SYNDIG1: variants seen among roughly 807,000 people sequenced by gnomAD.
SYNDIG1 encodes the protein synapse differentiation inducing 1.
In SYNDIG1, 9 loss-of-function variants were observed where a neutral mutation model predicts 19.4. The observed-to-expected ratio is 0.46, with a 90% CI of 0.28 to 0.81. The LOEUF is 0.81. SYNDIG1 is among the 30% of genes least tolerant of loss of function. The pLI is 0.12. For synonymous variants in SYNDIG1, 141 were observed against 145.9 expected, an observed-to-expected ratio of 0.97 and a Z score of 0.24; for missense variants, 311 against 343.3, an observed-to-expected ratio of 0.91 and a Z score of 0.74.
intron 3 of SYNDIG1, among the ~76,000 whole-genome samples, chr20:24,598,792 A>G (rs906585438): frequency 6.6e-6 from 1 of 152,240 alleles, no homozygotes; most frequent in Non-Finnish European, 1.5e-5. Flanking sequence ...TGATTTTAAA[A>G]TTGACACTAT....
In SYNDIG1 at chr20:24,665,704, G is replaced by A; in HGVS notation, c.*200G>A. ...CACTGTGTAGAGCACCAGACAGACG[G>A]GCACTGCTAATCCTTCCAAAGGAAA... On this transcript the variant is annotated 3_prime_UTR_variant, in exon 4 of 4. Transcript: ENST00000376862. The A allele has an allele frequency of 1.6e-6, 1 of 638,786 alleles. No individual in the cohort carries two copies. The highest frequency in any genetic ancestry group is 2.5e-6 in the Non-Finnish European group (1 of 406,638). The allele number at this position is 638,786 out of a possible 1,614,324, so 39.6% of individuals were successfully genotyped here. A position where few individuals can be genotyped will look rare whatever the true frequency, so the allele number is the denominator to read the frequency against.
intron 3 of SYNDIG1, among the ~76,000 whole-genome samples, chr20:24,590,296 G>A (rs1183483498): frequency 6.6e-6 from 1 of 151,950 alleles, no homozygotes; most frequent in East Asian, 1.9e-4. Flanking sequence ...GCTGGGGGCC[G>A]CGGGTGTGGA....
At chr20:24,507,102 C>CA (rs1234144171) in intron 1 of SYNDIG1, among the ~76,000 whole-genome samples, 3 of 152,126 alleles carry the variant, frequency 2.0e-5, no homozygotes, top group Non-Finnish European at 4.4e-5. Flanking sequence ...GGCTGGCCAA[C>CA]ACACACTTCG....
At chr20:24,479,290 C>A (rs1410809085) in intron 1 of SYNDIG1, among the ~76,000 whole-genome samples, 2 of 152,098 alleles carry the variant, frequency 1.3e-5, no homozygotes, top group Non-Finnish European at 2.9e-5. Flanking sequence ...TCTCCCCGAG[C>A]CCTCACCCTC....
intron 3 of SYNDIG1, among the ~76,000 whole-genome samples, chr20:24,642,004 T>C (rs906879797): frequency 3.3e-5 from 5 of 152,366 alleles, no homozygotes; most frequent in African/African-American, 4.8e-5. Context: ...CCATGGACTA[T>C]GTAGGCTCTA....
intron 1 of SYNDIG1, among the ~76,000 whole-genome samples, chr20:24,535,453 C>T (rs892077848): frequency 7.9e-5 from 12 of 152,118 alleles, no homozygotes; most frequent in African/African-American, 2.4e-4. Flanking sequence ...CCAAGATAGA[C>T]GGGCTTTTAA....
chr20:24,653,651 C>A (rs2059495644), intron 3 of SYNDIG1, among the ~76,000 whole-genome samples: 1 of 152,220 alleles, frequency 6.6e-6, no homozygotes, highest in South Asian at 2.1e-4. Flanking sequence ...GGGGATTTAT[C>A]CCTGGAGAAA....
intron 1 of SYNDIG1, among the ~76,000 whole-genome samples, chr20:24,473,638 T>C (rs1298510651): frequency 6.6e-6 from 1 of 152,098 alleles, no homozygotes; most frequent in Non-Finnish European, 1.5e-5. Context: ...GAGACAGGCG[T>C]GCAGAGTGTC....
intron 1 of SYNDIG1, among the ~76,000 whole-genome samples, chr20:24,530,023 T>TAGTACTCC (rs1568614888): frequency 6.6e-6 from 1 of 150,666 alleles, no homozygotes; most frequent in African/African-American, 2.4e-5. Context: ...ATGGTGATGG[T>TAGTACTCC]CGTGGTGATG....
intron 3 of SYNDIG1, among the ~76,000 whole-genome samples, chr20:24,607,724 C>T (rs150038227): frequency 1.2e-3 from 185 of 152,322 alleles, no homozygotes; most frequent in African/African-American, 4.4e-3. Flanking sequence ...TTGAGTTGGC[C>T]ACAGTTGGAG....
At chr20:24,605,183 T>C (rs940695504) in intron 3 of SYNDIG1, among the ~76,000 whole-genome samples, 1 of 152,100 alleles carries the variant, frequency 6.6e-6, no homozygotes, top group Non-Finnish European at 1.5e-5. Context: ...CAGGGACAGA[T>C]GGGTGGGAAG....
chr20:24,551,526 C>T (rs1278911443), intron 2 of SYNDIG1, among the ~76,000 whole-genome samples: 1 of 151,002 alleles, frequency 6.6e-6, no homozygotes, highest in East Asian at 1.9e-4. Flanking sequence ...CCTCTGTTTC[C>T]TTTGGCTTAA....
At chr20:24,610,650 T>C (rs1160439694) in intron 3 of SYNDIG1, among the ~76,000 whole-genome samples, 1 of 152,222 alleles carries the variant, frequency 6.6e-6, no homozygotes, top group Non-Finnish European at 1.5e-5. Context: ...CACAATTTAT[T>C]ATGCATGAAA....
intron 1 of SYNDIG1, among the ~76,000 whole-genome samples, chr20:24,473,733 C>A (rs2146192685): frequency 6.6e-6 from 1 of 152,268 alleles, no homozygotes; most frequent in South Asian, 2.1e-4. Flanking sequence ...CTGGAAGGTC[C>A]CATTTGTTTT....
chr20:24,515,489 G>C (rs2056842177), intron 1 of SYNDIG1, among the ~76,000 whole-genome samples: 1 of 152,012 alleles, frequency 6.6e-6, no homozygotes, highest in African/African-American at 2.4e-5. Context: ...CTTCAGCAAA[G>C]TCTCAGGATA....
At chr20:24,541,908 C>G (rs1198494903) in intron 1 of SYNDIG1, among the ~76,000 whole-genome samples, 2 of 152,194 alleles carry the variant, frequency 1.3e-5, no homozygotes, top group African/African-American at 2.4e-5. Flanking sequence ...GAGGCATTCT[C>G]TCTCCTCCCA....
chr20:24,644,455 C>T (rs1408081291), intron 3 of SYNDIG1, among the ~76,000 whole-genome samples: 1 of 152,186 alleles, frequency 6.6e-6, no homozygotes, highest in East Asian at 1.9e-4. Context: ...CACTTAGTGC[C>T]TTGCTTGTTA....
At chr20:24,663,771 A>G (rs2059624699) in intron 3 of SYNDIG1, among the ~76,000 whole-genome samples, 2 of 152,062 alleles carry the variant, frequency 1.3e-5, no homozygotes. Context: ...TCCTCTCTGC[A>G]CCCCTTTGCA....
In SYNDIG1 at chr20:24,665,800, T is replaced by C; in HGVS notation, c.*296T>C. On this transcript the variant is annotated 3_prime_UTR_variant, in exon 4 of 4. Coordinates refer to ENST00000376862, the MANE Select transcript of SYNDIG1 (RefSeq NM_024893.3). ...GTGGATGAATGGCAACGCGGCTCTC[T>C]GCAGCCTGCCAGTGCCCAGAGTGCC... The C allele has an allele frequency of 2.4e-6, 1 of 416,140 alleles. No homozygotes were observed. The highest frequency in any genetic ancestry group is 4.2e-6 in the Non-Finnish European group (1 of 236,516). The allele number at this position is 416,140 out of a possible 1,614,324, so 25.8% of individuals were successfully genotyped here.
Sources: gnomAD v4.1 joint callset for allele counts (sites outside exome capture counted in the v4.1 genomes callset) on GRCh38, gnomAD v4.1.1 for gene constraint, MANE v1.5 for transcripts, NCBI Gene and HGNC (gene_info 2026-07-23, HGNC 2026-07-21) for gene names.